Variants in PCDH7 observed in about 807,000 individuals in gnomAD.
The protein encoded by PCDH7 is protocadherin-7.
PCDH7 carries 17 observed loss-of-function variants against 58.9 expected under a neutral mutation model. The ratio of observed to expected loss-of-function variants is 0.29; its 90% CI spans 0.20 to 0.43. The LOEUF (loss-of-function observed/expected upper bound fraction) is 0.43, where lower values mean the gene tolerates loss of function less well. PCDH7 is among the 20% of genes least tolerant of loss of function. The pLI is 1.00. For synonymous variants in PCDH7, 664 were observed against 616.4 expected, an observed-to-expected ratio of 1.08 and a Z score of -1.14; for missense variants, 1,274 against 1,441.0, an observed-to-expected ratio of 0.88 and a Z score of 1.88.
At chr4:30,850,627 G>C (rs989561803) in intron 1 of PCDH7, among the ~76,000 whole-genome samples, 5 of 152,012 alleles carry the variant, frequency 3.3e-5, no homozygotes, top group Admixed American at 3.3e-4. Context: ...CACAGAAGTT[G>C]TTTAACTAAG....
intron 1 of PCDH7, among the ~76,000 whole-genome samples, chr4:30,900,128 A>G (rs948666353): frequency 6.6e-5 from 10 of 152,136 alleles, no homozygotes; most frequent in African/African-American, 2.4e-4. Context: ...TGGGTTGTCT[A>G]ACTTAAATCT....
At chr4:30,742,957 T>C (rs1408776091) in intron 1 of PCDH7, among the ~76,000 whole-genome samples, 1 of 152,188 alleles carries the variant, frequency 6.6e-6, no homozygotes, top group Non-Finnish European at 1.5e-5. Context: ...TCTCTGATGT[T>C]GAGCAAATCA....
chr4:30,870,007 T>A (rs750823232), intron 1 of PCDH7, among the ~76,000 whole-genome samples: 1 of 152,044 alleles, frequency 6.6e-6, no homozygotes, highest in Non-Finnish European at 1.5e-5. Context: ...TTCACTGTGG[T>A]TTTGATTTGC....
intron 1 of PCDH7, among the ~76,000 whole-genome samples, chr4:30,754,699 A>C (rs2109262214): frequency 6.6e-6 from 1 of 152,252 alleles, no homozygotes; most frequent in South Asian, 2.1e-4. Flanking sequence ...GGATTTCAAT[A>C]TTTTATCTTC....
chr4:30,952,894 C>T (rs1367265363), intron 3 of PCDH7, among the ~76,000 whole-genome samples: 1 of 152,104 alleles, frequency 6.6e-6, no homozygotes, highest in Non-Finnish European at 1.5e-5. Context: ...GATTCAAGTC[C>T]AAATATCCCT....
At chr4:30,940,978 A>T (rs1745966890) in intron 2 of PCDH7, among the ~76,000 whole-genome samples, 2 of 151,976 alleles carry the variant, frequency 1.3e-5, no homozygotes. Context: ...GCACTGCCCA[A>T]AGTTAACAGA....
chr4:30,794,751 G>T (rs1577834627), intron 1 of PCDH7, among the ~76,000 whole-genome samples: 1 of 151,492 alleles, frequency 6.6e-6, no homozygotes, highest in Admixed American at 6.6e-5. Flanking sequence ...TAATACAATC[G>T]ATTGAAAGTT....
chr4:30,941,018 GGAA>G (rs1745972056), intron 2 of PCDH7, among the ~76,000 whole-genome samples: 1 of 151,902 alleles, frequency 6.6e-6, no homozygotes, highest in South Asian at 2.1e-4. Flanking sequence ...GATTGTATTT[GGAA>G]GGGTATTCTC....
intron 1 of PCDH7, among the ~76,000 whole-genome samples, chr4:30,822,458 C>T (rs10012692): frequency 0.018 from 2,737 of 152,058 alleles, 93 homozygotes; most frequent in African/African-American, 0.062. Flanking sequence ...AGGTCAGGTG[C>T]TGCATTTTCA....
intron 1 of PCDH7, among the ~76,000 whole-genome samples, chr4:30,834,291 AG>A (rs1730189507): frequency 1.3e-5 from 2 of 152,134 alleles, no homozygotes; most frequent in Non-Finnish European, 2.9e-5. Flanking sequence ...TTTTGAACAA[AG>A]GGCCCTGCTT....
At position 31,056,475 on chromosome 4, in the gene PCDH7, AAG is replaced by A. The variant is rs1463750421; in HGVS notation, c.*8-85996_*8-85995del. Among the ~76,000 whole-genome samples, 4 of 139,052 alleles carry A rather than the reference AAG, an allele frequency of 2.9e-5. No homozygotes were observed. The East Asian group carries it at 1.3e-3, about 44-fold the overall frequency. 91.2% of individuals were successfully genotyped at this position (139,052 alleles called of 152,430 possible). ...GAAAGAAAGAAGAAAGAAAGAAAGA[AAG>A]AAAGAAAGAAAGAAAGAAAGAAAGA... is the stretch of plus-strand genomic sequence containing the variant. On this transcript the variant is annotated intron_variant, in intron 3 of 3. Transcript: ENST00000509759.
intron 1 of PCDH7, among the ~76,000 whole-genome samples, chr4:30,762,351 TTAGA>T (rs1202666712): frequency 6.6e-6 from 1 of 152,140 alleles, no homozygotes; most frequent in African/African-American, 2.4e-5. Context: ...ATATGAATGA[TTAGA>T]TAAATAACTA....
intron 3 of PCDH7, among the ~76,000 whole-genome samples, chr4:31,105,537 G>T (rs577274217): frequency 2.6e-5 from 4 of 152,158 alleles, no homozygotes; most frequent in African/African-American, 9.6e-5. Flanking sequence ...GAGTCACTTT[G>T]CTCACTCTGG....
intron 3 of PCDH7, among the ~76,000 whole-genome samples, chr4:31,087,307 G>GT (rs1712575632): frequency 6.6e-6 from 1 of 151,978 alleles, no homozygotes; most frequent in Non-Finnish European, 1.5e-5. Flanking sequence ...CATTCATTAT[G>GT]TTTTATAAAG....
Position 30,723,077 on chromosome 4 carries a change from A to G in PCDH7, c.1655A>G (p.Glu552Gly). The G allele has an allele frequency of 6.2e-7, 1 of 1,613,784 alleles. No individual in the cohort carries two copies. The highest frequency in any genetic ancestry group is 1.3e-5 in the African/African-American group (1 of 74,992). ...TTCCCTGAGAACAACATCCCGGGCG[A>G]GAGGGTGGCCACGGTGCTGGCGACA... Residue 552 changes from glutamate to glycine, a missense_variant, in exon 1 of 2, where the codon GAG becomes GGG. By Grantham distance (98) the Glu-to-Gly change is moderately conservative. Transcript: ENST00000361762. The surrounding 1 kb of genome is among the most constrained non-coding windows in gnomAD (Gnocchi z 4.6).
At chr4:31,093,756 G>A (rs1041908298) in intron 3 of PCDH7, among the ~76,000 whole-genome samples, 1 of 152,060 alleles carries the variant, frequency 6.6e-6, no homozygotes, top group Non-Finnish European at 1.5e-5. Flanking sequence ...GAAGTTATAC[G>A]TTGAAAGGCA....
At chr4:30,846,330 G>C (rs1386679597) in intron 1 of PCDH7, among the ~76,000 whole-genome samples, 1 of 152,040 alleles carries the variant, frequency 6.6e-6, no homozygotes, top group African/African-American at 2.4e-5. Flanking sequence ...TATTAGAATA[G>C]TGGATTTCTG....
chr4:30,897,470 A>G (rs1739600172), intron 1 of PCDH7, among the ~76,000 whole-genome samples: 1 of 152,140 alleles, frequency 6.6e-6, no homozygotes, highest in Non-Finnish European at 1.5e-5. Context: ...AGTATAAAAT[A>G]TTTCTTAAGC....
At chr4:30,810,770 C>T (rs1726893554) in intron 1 of PCDH7, among the ~76,000 whole-genome samples, 1 of 151,870 alleles carries the variant, frequency 6.6e-6, no homozygotes, top group Non-Finnish European at 1.5e-5. Context: ...ACCACCACAC[C>T]CGGCTAATTT....
Sources: allele counts gnomAD v4.1 joint callset (sites outside exome capture counted in the v4.1 genomes callset), GRCh38; gene constraint gnomAD v4.1.1; non-coding constraint Gnocchi (gnomAD v3.1); transcripts MANE v1.5; gene names NCBI Gene and HGNC (gene_info 2026-07-23, HGNC 2026-07-21).